The following FRMD4A variants were observed in gnomAD, a reference collection of about 807,000 sequenced individuals.
FRMD4A encodes the protein FERM domain containing 4A.
In FRMD4A, 29 loss-of-function variants were observed where a neutral mutation model predicts 129.1. The observed-to-expected ratio is 0.22, with a 90% CI of 0.17 to 0.31. The LOEUF is 0.31. FRMD4A is among the 10% of genes least tolerant of loss of function. The pLI is 1.00. For synonymous variants in FRMD4A, 634 were observed against 571.6 expected (o/e 1.11, Z -1.56); for missense variants, 1,272 against 1,375.8 (o/e 0.92, Z 1.19).
intron 5 of FRMD4A, among the ~76,000 whole-genome samples, chr10:13,793,168 G>C (rs1005568466): frequency 2.7e-5 from 4 of 145,898 alleles, no homozygotes; most frequent in African/African-American, 9.9e-5. Flanking sequence ...ATGACCCTCT[G>C]TTTCTTTTTT....
At chr10:14,007,063 C>A (rs935853294) in intron 2 of FRMD4A, 3 of 151,758 alleles carry the variant, frequency 2.0e-5, no homozygotes, top group Non-Finnish European at 2.9e-5. Context: ...AATAAAACAT[C>A]GCTGAGTAGT....
chr10:13,890,752 C>A (rs2094685805), intron 2 of FRMD4A: 6 of 985,204 alleles, frequency 6.1e-6, no homozygotes, highest in Admixed American at 1.2e-4. Flanking sequence ...GAGTCCTTTG[C>A]GGGCATTGGT....
chr10:13,943,820 T>A (rs4503424), intron 2 of FRMD4A, among the ~76,000 whole-genome samples: 1 of 152,002 alleles, frequency 6.6e-6, no homozygotes, highest in Non-Finnish European at 1.5e-5. Flanking sequence ...TTAAAAATAC[T>A]TGGTATGGAA....
At chr10:14,318,018 T>C (rs938293626) in intron 2 of FRMD4A, among the ~76,000 whole-genome samples, 5 of 152,184 alleles carry the variant, frequency 3.3e-5, no homozygotes, top group African/African-American at 1.2e-4. Context: ...TTAAAGAGGC[T>C]ACCTCACTCA....
At chr10:13,741,225 G>A (rs1007903521) in intron 9 of FRMD4A, among the ~76,000 whole-genome samples, 1 of 151,690 alleles carries the variant, frequency 6.6e-6, no homozygotes, top group Non-Finnish European at 1.5e-5. Context: ...TGACATGGGG[G>A]GATTGCTTGA....
intron 2 of FRMD4A, among the ~76,000 whole-genome samples, chr10:14,038,041 G>A (rs1211095891): frequency 6.6e-6 from 1 of 152,150 alleles, no homozygotes; most frequent in African/African-American, 2.4e-5. Flanking sequence ...GGCAATTTAA[G>A]GCCGGTCGCG....
At chr10:13,998,028 C>T in intron 2 of FRMD4A, among the ~76,000 whole-genome samples, 1 of 152,158 alleles carries the variant, frequency 6.6e-6, no homozygotes, top group Non-Finnish European at 1.5e-5. Context: ...ATCCATCATG[C>T]CCTTCTGGGA....
At chr10:14,211,724 G>A (rs189874117) in intron 2 of FRMD4A, among the ~76,000 whole-genome samples, 11 of 152,280 alleles carry the variant, frequency 7.2e-5, no homozygotes, top group East Asian at 3.9e-4. Context: ...GTATTTCAAC[G>A]TTCCAAAGTC....
Position 14,276,390 on chromosome 10 carries a change from G to T in FRMD4A, c.45+53668C>A, listed in dbSNP as rs566137507. Among the ~76,000 whole-genome samples the T allele has an allele frequency of 1.3e-3, 203 of 152,240 alleles. 1 individual carries two copies. Among genetic ancestry groups the T allele is most frequent in the African/African-American group, 4.7e-3 (196 of 41,542 alleles). On this transcript the variant is annotated intron_variant, in intron 2 of 24. Transcript: ENST00000357447. Reference sequence around the variant, plus strand: ...TCCTCTGTGTGGCCTCCCAAGAAGGGCCACAAGAGCCACTTGGCACAAACC... The same window carrying T: ...TCCTCTGTGTGGCCTCCCAAGAAGGTCCACAAGAGCCACTTGGCACAAACC...
chr10:13,695,950 T>G (rs937867693), intron 14 of FRMD4A, among the ~76,000 whole-genome samples: 12 of 152,224 alleles, frequency 7.9e-5, no homozygotes, highest in African/African-American at 1.4e-4. Flanking sequence ...TCCGACCTCA[T>G]GTTAACACGA....
At chr10:14,097,215 T>C (rs909104458) in intron 2 of FRMD4A, 2 of 148,768 alleles carry the variant, frequency 1.3e-5, no homozygotes, top group African/African-American at 2.5e-5. Context: ...CTGGCATATA[T>C]GCTATGGATT....
chr10:14,271,888 C>T (rs988800324), intron 2 of FRMD4A, among the ~76,000 whole-genome samples: 3 of 152,198 alleles, frequency 2.0e-5, no homozygotes, highest in Admixed American at 6.5e-5. Context: ...GCCAATGTCA[C>T]GGCATTTATG....
chr10:14,320,388 A>T (rs774029479), intron 2 of FRMD4A, among the ~76,000 whole-genome samples: 3 of 151,782 alleles, frequency 2.0e-5, no homozygotes, highest in Non-Finnish European at 4.4e-5. Flanking sequence ...GCCCTCCCCA[A>T]CCCCACCCTT....
At chr10:13,684,770 G>A in intron 15 of FRMD4A, 4 of 983,524 alleles carry the variant, frequency 4.1e-6, no homozygotes, top group Non-Finnish European at 4.8e-6. Flanking sequence ...CTCTCTGGAA[G>A]GAGGGGAAAC....
At chr10:13,701,094 C>T (rs1358170164) in intron 14 of FRMD4A, among the ~76,000 whole-genome samples, 1 of 152,178 alleles carries the variant, frequency 6.6e-6, no homozygotes, top group Non-Finnish European at 1.5e-5. Context: ...GCCTACCTGG[C>T]TGCAGTCAGC....
intron 2 of FRMD4A, among the ~76,000 whole-genome samples, chr10:13,924,127 C>A (rs1321382945): frequency 6.6e-6 from 1 of 152,144 alleles, no homozygotes; most frequent in Admixed American, 6.5e-5. Context: ...ATACTATGTG[C>A]CCATCTCATG....
At chr10:14,246,597 A>G (rs1485767533) in intron 2 of FRMD4A, among the ~76,000 whole-genome samples, 1 of 152,244 alleles carries the variant, frequency 6.6e-6, no homozygotes, top group African/African-American at 2.4e-5. Context: ...TCATACATAT[A>G]CACACATATG....
chr10:14,144,297 C>A (rs1839976165), intron 2 of FRMD4A, among the ~76,000 whole-genome samples: 1 of 152,140 alleles, frequency 6.6e-6, no homozygotes, highest in Non-Finnish European at 1.5e-5. Flanking sequence ...CCTTGGAGAA[C>A]TGGTTCTGAG....
chr10:14,219,058 A>C (rs931350343), intron 2 of FRMD4A, among the ~76,000 whole-genome samples: 1 of 151,682 alleles, frequency 6.6e-6, no homozygotes, highest in Non-Finnish European at 1.5e-5. Flanking sequence ...GGGGCTAGGA[A>C]CATAGGAAGT....
Sources: allele counts gnomAD v4.1 joint callset (sites outside exome capture counted in the v4.1 genomes callset), GRCh38; gene constraint gnomAD v4.1.1; transcripts MANE v1.5; gene names NCBI Gene and HGNC (gene_info 2026-07-23, HGNC 2026-07-21).